The following PLAAT2 variants were observed in gnomAD, a reference collection of about 807,000 sequenced individuals.
PLAAT2 encodes phospholipase A and acyltransferase 2.
Under a neutral mutation model 12.8 loss-of-function variants are expected in PLAAT2, and 12 were observed. The ratio of observed to expected loss-of-function variants is 0.94; its 90% confidence interval spans 0.60 to 1.52. PLAAT2 has a LOEUF of 1.52. Among genes scored for constraint, PLAAT2 ranks in the 40% most tolerant of loss-of-function variants. The pLI is 0.00. For missense variants in PLAAT2, 166 were observed against 208.1 expected (o/e 0.80, Z 1.24); for synonymous variants, 79 against 86.8 (o/e 0.91, Z 0.50).
intron 2 of PLAAT2, 142 bp from the exon 3 acceptor site, chr11:63,558,802 A>G: frequency 3.0e-6 from 3 of 1,006,822 alleles, no homozygotes; most frequent in Non-Finnish European, 4.4e-6. Flanking sequence ...AAACTTGAAA[A>G]CAGGGAAGAC....
chr11:63,556,994 A>G (rs1268412162), intron 3 of PLAAT2, among the ~76,000 whole-genome samples: 1 of 152,230 alleles, frequency 6.6e-6, no homozygotes, highest in African/African-American at 2.4e-5. Context: ...CGTCAAAATA[A>G]GCCTGATTAG....
At chr11:63,554,998 T>C (rs1164972395) in intron 3 of PLAAT2, among the ~76,000 whole-genome samples, 3 of 152,052 alleles carry the variant, frequency 2.0e-5, no homozygotes, top group Non-Finnish European at 4.4e-5. Context: ...GTGACTGACA[T>C]TGTAAAGGGA....
At chr11:63,559,074 A>C (rs1407539456) in intron 2 of PLAAT2, among the ~76,000 whole-genome samples, 4 of 152,202 alleles carry the variant, frequency 2.6e-5, no homozygotes, top group African/African-American at 9.7e-5. Context: ...CCAAGGCAGG[A>C]GGAACACTTG....
rs375507875 is a variant in PLAAT2, at chr11:63,558,497, C to T, written c.282G>A (p.Lys94=). ...CCTGCCCCACCAACTCCTCTGCCCG[C>T]TTGACGATTTTGTTGGAAGGCAGTG... is the stretch of plus-strand genomic sequence containing the variant. ...YTPLPSNKIV[K]RAEELVGQEL... Residue 94 remains lysine, a synonymous_variant, in exon 3 of 4, where the codon AAG becomes AAA. Coordinates refer to ENST00000255695, the MANE Select transcript of PLAAT2 (RefSeq NM_017878.2). The T allele has an allele frequency of 1.9e-6, 3 of 1,614,120 alleles. No homozygotes were observed. In the African/African-American group the frequency reaches 4.0e-5, roughly 22 times the overall value.
At chr11:63,559,606 C>G (rs1166214305) in intron 2 of PLAAT2, among the ~76,000 whole-genome samples, 2 of 115,262 alleles carry the variant, frequency 1.7e-5, no homozygotes, top group Non-Finnish European at 3.4e-5. Context: ...GGACCCCAGA[C>G]TCCTGGGAAG....
chr11:63,552,867 A>G lies in PLAAT2; in HGVS notation c.*97T>C, dbSNP rs190121296. 2.0e-4 allele frequency: 159 copies of G among 777,742 alleles called. No homozygotes were observed. The highest frequency in any genetic ancestry group is 3.2e-4 in the Non-Finnish European group (143 of 450,048). 48.2% of individuals were successfully genotyped at this position (777,742 alleles called of 1,614,324 possible). Reference sequence around the variant, plus strand: ...ACTCCATTAAAATAAAGATTCATGAACACAAAACAGTAAAATCAGTAAACC... The same window carrying G: ...ACTCCATTAAAATAAAGATTCATGAGCACAAAACAGTAAAATCAGTAAACC... On this transcript the variant is annotated 3_prime_UTR_variant, in exon 4 of 4. Coordinates refer to ENST00000255695, the MANE Select transcript of PLAAT2 (RefSeq NM_017878.2).
chr11:63,558,805 G>A, intron 2 of PLAAT2, 145 bp from the exon 3 acceptor site: 2 of 987,448 alleles, frequency 2.0e-6, no homozygotes, highest in Non-Finnish European at 3.0e-6. Flanking sequence ...CTTGAAAACA[G>A]GGAAGACCCA....
In PLAAT2 at chr11:63,558,636, G is replaced by A. The variant is rs1406883233; in HGVS notation, c.143C>T (p.Ala48Val). The change falls in exon 3 of 4, where the codon GCC becomes GTC. Residue 48 changes from alanine (A) to valine (V), a missense_variant. Coordinates refer to ENST00000255695, the MANE Select transcript of PLAAT2 (RefSeq NM_017878.2). ...PASEIAGAGA[A>V]SVLSALTNKA... is the part of the protein sequence containing the mutation. ...GTTGGTCAGGGCAGACAGGACACTG[G>A]CCGCACCAGCTCCAGCAATTTCACC... 1.2e-6 allele frequency: 2 copies of A among 1,614,214 alleles called. No homozygotes were observed. The highest frequency in any genetic ancestry group is 1.7e-6 in the Non-Finnish European group (2 of 1,180,034).
At chr11:63,554,091 G>A (rs929742291) in intron 3 of PLAAT2, among the ~76,000 whole-genome samples, 4 of 149,234 alleles carry the variant, frequency 2.7e-5, no homozygotes, top group African/African-American at 7.4e-5. Flanking sequence ...AGTCTGCTGC[G>A]ATCCTGTGGG....
chr11:63,558,670 C>T lies in PLAAT2; in HGVS notation c.119-10G>A, dbSNP rs2017491116. On this transcript the variant is annotated splice_polypyrimidine_tract_variant and intron_variant, in intron 2 of 3. Coordinates refer to ENST00000255695, the MANE Select transcript of PLAAT2 (RefSeq NM_017878.2). ...GCTCCAGCAATTTCACCTGTGCAAACAGTGAGTTCAGTCCTGGGCAGGGCC... is the reference window on the plus strand; with the variant it reads ...GCTCCAGCAATTTCACCTGTGCAAATAGTGAGTTCAGTCCTGGGCAGGGCC... 6.2e-7 allele frequency: 1 copy of T among 1,613,906 alleles called. No individual in the cohort carries two copies. The highest frequency in any genetic ancestry group is 8.5e-7 in the Non-Finnish European group (1 of 1,179,858).
Position 63,562,486 on chromosome 11 carries a change from G to C in PLAAT2, c.9+830C>G, listed in dbSNP as rs75112105. Among the ~76,000 whole-genome samples the C allele has an allele frequency of 6.1e-3, 922 of 152,296 alleles. 9 individuals are homozygous for C. Among genetic ancestry groups the C allele is most frequent in the African/African-American group, 0.021 (856 of 41,560 alleles). Reference sequence around the variant, plus strand: ...CTAGAGTTTCGGTTTTTCAGACAAAGTGAATGTGTTCACGTATTTCTCCTG... The same window carrying C: ...CTAGAGTTTCGGTTTTTCAGACAAACTGAATGTGTTCACGTATTTCTCCTG... On this transcript the variant is annotated intron_variant, in intron 1 of 3. Coordinates refer to ENST00000255695, the MANE Select transcript of PLAAT2 (RefSeq NM_017878.2).
At chr11:63,559,458 G>A (rs572853176) in intron 2 of PLAAT2, among the ~76,000 whole-genome samples, 4 of 152,176 alleles carry the variant, frequency 2.6e-5, no homozygotes, top group South Asian at 2.1e-4. Context: ...GGTCCTGGCC[G>A]TGGCTCTCTT....
intron 3 of PLAAT2, among the ~76,000 whole-genome samples, 159 bp downstream of exon 3, chr11:63,558,233 A>C (rs1344094963): frequency 6.6e-6 from 1 of 151,062 alleles, no homozygotes; most frequent in African/African-American, 2.4e-5. Context: ...CCTTGTCCCC[A>C]CCCCAAATGT....
chr11:63,560,345 AG>A (rs371174798), intron 1 of PLAAT2, 152 bp from the exon 2 acceptor site: 361 of 602,044 alleles, frequency 6.0e-4, no homozygotes, highest in Non-Finnish European at 9.1e-4. Flanking sequence ...TCACATATGT[AG>A]GAAGCACCTT....
chr11:63,560,225 T>A (rs1047042385), intron 1 of PLAAT2, 32 bp from the exon 2 acceptor site: 1 of 1,531,950 alleles, frequency 6.5e-7, no homozygotes, highest in Non-Finnish European at 9.0e-7. Flanking sequence ...CAGGCAGAGG[T>A]GAGCCATCTG....
rs180877028 is a variant in PLAAT2, at chr11:63,553,174, T to C, written c.388-109A>G. 20 of 665,132 alleles carry C rather than the reference T, an allele frequency of 3.0e-5. No individual in the cohort carries two copies. In the Admixed American group the frequency reaches 4.9e-4, roughly 16 times the overall value. The allele number at this position is 665,132 out of a possible 1,614,324, so 41.2% of individuals were successfully genotyped here. A position where few individuals can be genotyped will look rare whatever the true frequency, so the allele number is the denominator to read the frequency against. On this transcript the variant is annotated intron_variant, in intron 3 of 3. Coordinates refer to ENST00000255695, the MANE Select transcript of PLAAT2 (RefSeq NM_017878.2). ...ACTCATCTGGCCCAGTCCTCTTCAT[T>C]TGAATCACAGAGGGAACAAATATTG...
At chr11:63,553,886 A>G (rs899740597) in intron 3 of PLAAT2, among the ~76,000 whole-genome samples, 2 of 152,204 alleles carry the variant, frequency 1.3e-5, no homozygotes, top group South Asian at 2.1e-4. Context: ...GTCGGCACTC[A>G]TAATTCATCT....
chr11:63,560,026 T>A, intron 2 of PLAAT2, 59 bp downstream of exon 2: 1 of 1,152,632 alleles, frequency 8.7e-7, no homozygotes, highest in Admixed American at 1.8e-5. Context: ...CACGTAACTG[T>A]GCATCTCTTC....
rs1359273060 is a variant in PLAAT2 at position 63,552,949 on chromosome 11, G to A, written c.*15C>T. ...CTCCGTAAGAATTGGTGGTTGTTGG[G>A]ACAATTTCTTGGATTTATTGCCTTT... On this transcript the variant is annotated 3_prime_UTR_variant, in exon 4 of 4. Coordinates refer to ENST00000255695, the MANE Select transcript of PLAAT2 (RefSeq NM_017878.2). The A allele has an allele frequency of 5.7e-6, 9 of 1,573,292 alleles. No individual in the cohort carries two copies. Among genetic ancestry groups the A allele is most frequent in the African/African-American group, 2.7e-5 (2 of 74,100 alleles).
Sources: allele counts gnomAD v4.1 joint callset (sites outside exome capture counted in the v4.1 genomes callset), GRCh38; gene constraint gnomAD v4.1.1; transcripts MANE v1.5; gene names NCBI Gene and HGNC (gene_info 2026-07-23, HGNC 2026-07-21).